Variants in NOL4L observed in about 807,000 individuals in gnomAD.
The protein encoded by NOL4L is nucleolar protein 4 like, also known as nucleolar protein 4-like.
Under a neutral mutation model 64.5 loss-of-function variants are expected in NOL4L, and 7 were observed. The ratio of observed to expected loss-of-function variants is 0.11; its 90% CI spans 0.06 to 0.20. The LOEUF (loss-of-function observed/expected upper bound fraction) is 0.20, where lower values mean the gene tolerates loss of function less well. Among genes scored for constraint, NOL4L ranks in the 10% least tolerant of loss-of-function variants. The pLI is 1.00. For synonymous variants in NOL4L, 413 were observed against 401.0 expected (o/e 1.03, Z -0.36); for missense variants, 680 against 967.1 (o/e 0.70, Z 3.94).
rs889181787 is a variant in NOL4L, at chr20:32,464,515, G to A, written c.842-8120C>T. On this transcript the variant is annotated intron_variant, in intron 5 of 10. Transcript: ENST00000621426. This position sits in a 1 kb window ranked among gnomAD's most constrained non-coding sequence, Gnocchi z 5.6. ...GCAGGGAGCCCATGCCCCCCATCTGGGTGCCACACTTGCCCCCTGATTTGC... is the reference window on the plus strand; with the variant it reads ...GCAGGGAGCCCATGCCCCCCATCTGAGTGCCACACTTGCCCCCTGATTTGC... Among the ~76,000 whole-genome samples, 6 of 152,176 alleles carry A rather than the reference G, an allele frequency of 3.9e-5. No individual in the cohort carries two copies. Among genetic ancestry groups the A allele is most frequent in the Non-Finnish European group, 7.3e-5 (5 of 68,040 alleles).
intron 1 of NOL4L, among the ~76,000 whole-genome samples, chr20:32,569,041 G>A (rs757077271): frequency 2.6e-5 from 4 of 151,806 alleles, no homozygotes; most frequent in Non-Finnish European, 2.9e-5. Flanking sequence ...GAACCAGACA[G>A]CAAATATTCC....
intron 4 of NOL4L, 103 bp from the exon 5 acceptor site, chr20:32,474,845 C>G (rs914998362): frequency 6.9e-7 from 1 of 1,451,236 alleles, no homozygotes; most frequent in Non-Finnish European, 9.1e-7. Context: ...TTTGGGAGTG[C>G]CCTGAAGGCG....
intron 1 of NOL4L, among the ~76,000 whole-genome samples, chr20:32,576,750 A>C (rs4911245): frequency 5.3e-5 from 8 of 152,036 alleles, no homozygotes; most frequent in Admixed American, 2.0e-4. Context: ...CGCCCAGGCC[A>C]GGCCTGCAGC....
intron 5 of NOL4L, among the ~76,000 whole-genome samples, chr20:32,457,289 G>C (rs1444929376): frequency 6.6e-6 from 1 of 152,228 alleles, no homozygotes; most frequent in Non-Finnish European, 1.5e-5. Flanking sequence ...GACGGCAGAG[G>C]CTGAAGCTGC....
chr20:32,507,275 C>T (rs1412693034), intron 4 of NOL4L, among the ~76,000 whole-genome samples: 1 of 152,238 alleles, frequency 6.6e-6, no homozygotes, highest in Non-Finnish European at 1.5e-5. Context: ...ATTTTCTGCT[C>T]AGTGTGGCCA....
At chr20:32,511,943 C>G (rs1314458988) in intron 3 of NOL4L, among the ~76,000 whole-genome samples, 1 of 152,174 alleles carries the variant, frequency 6.6e-6, no homozygotes, top group Non-Finnish European at 1.5e-5. Flanking sequence ...GTGGTCAAGG[C>G]TGCAGTCTGC....
chr20:32,517,732 C>T (rs1226071280), intron 3 of NOL4L, among the ~76,000 whole-genome samples: 1 of 152,194 alleles, frequency 6.6e-6, no homozygotes, highest in African/African-American at 2.4e-5. Context: ...TGTGTCTGGG[C>T]ACCGTAGGCC....
chr20:32,532,958 G>C (rs537219188), intron 1 of NOL4L, among the ~76,000 whole-genome samples: 2 of 152,292 alleles, frequency 1.3e-5, no homozygotes, highest in Non-Finnish European at 2.9e-5. Flanking sequence ...GCCAGAGCCA[G>C]GCCAACAGAA....
At chr20:32,466,008 G>A (rs1221562049) in intron 5 of NOL4L, among the ~76,000 whole-genome samples, 1 of 146,772 alleles carries the variant, frequency 6.8e-6, no homozygotes, top group African/African-American at 2.6e-5. Context: ...TTGAGATGGA[G>A]TCACTCTGTA....
intron 2 of NOL4L, among the ~76,000 whole-genome samples, chr20:32,527,020 C>T (rs1372124647): frequency 6.6e-6 from 1 of 152,120 alleles, no homozygotes; most frequent in Non-Finnish European, 1.5e-5. Flanking sequence ...GCTTCCTGCC[C>T]CTAGGTTGCC....
intron 1 of NOL4L, among the ~76,000 whole-genome samples, chr20:32,546,384 TGCACCAC>T (rs904123082): frequency 1.2e-4 from 18 of 152,062 alleles, no homozygotes; most frequent in Non-Finnish European, 4.4e-5. Context: ...TTTACAGTCA[TGCACCAC>T]GACGCCCAGC....
At chr20:32,578,134 AGGAAGGAGGGAGGGAGGGAG>A (rs1358142910) in intron 1 of NOL4L, among the ~76,000 whole-genome samples, 5 of 76,874 alleles carry the variant, frequency 6.5e-5, no homozygotes, top group African/African-American at 2.2e-4. Flanking sequence ...GAAGGAAGGA[AGGAAGGAGGGAGGGAGGGAG>A]GGAGGGAGGG....
At chr20:32,459,805 A>G (rs2013882602) in intron 5 of NOL4L, among the ~76,000 whole-genome samples, 1 of 152,230 alleles carries the variant, frequency 6.6e-6, no homozygotes, top group South Asian at 2.1e-4. Context: ...AAGTGCTGGG[A>G]TGACAGACGT....
chr20:32,512,585 T>C (rs2017456911), intron 3 of NOL4L, among the ~76,000 whole-genome samples: 1 of 152,202 alleles, frequency 6.6e-6, no homozygotes, highest in Non-Finnish European at 1.5e-5. Context: ...AAAACCATAA[T>C]TGCACCACGC....
At chr20:32,507,005 G>A (rs1340176053) in intron 4 of NOL4L, among the ~76,000 whole-genome samples, 2 of 152,186 alleles carry the variant, frequency 1.3e-5, no homozygotes, top group Non-Finnish European at 2.9e-5. Flanking sequence ...ACTGCAGAGA[G>A]GGAGGCAAGG....
intron 5 of NOL4L, among the ~76,000 whole-genome samples, chr20:32,461,974 G>T (rs1276737810): frequency 2.0e-5 from 3 of 151,938 alleles, no homozygotes; most frequent in African/African-American, 7.2e-5. Flanking sequence ...GTCTTCCTGG[G>T]CTCGCCGGGG....
At chr20:32,560,889 A>G (rs948450566) in intron 1 of NOL4L, among the ~76,000 whole-genome samples, 5 of 152,258 alleles carry the variant, frequency 3.3e-5, no homozygotes, top group Non-Finnish European at 7.3e-5. Flanking sequence ...ATCGGCCACA[A>G]GAACACTGGG....
intron 1 of NOL4L, among the ~76,000 whole-genome samples, chr20:32,563,906 C>G (rs1028254328): frequency 1.3e-5 from 2 of 152,226 alleles, no homozygotes; most frequent in African/African-American, 4.8e-5. Context: ...AGCGTATCCT[C>G]GGCAGCCACC....
chr20:32,457,038 C>T (rs1464794211), intron 5 of NOL4L, among the ~76,000 whole-genome samples: 2 of 152,198 alleles, frequency 1.3e-5, no homozygotes, highest in South Asian at 2.1e-4. Context: ...CGTGCAAAGC[C>T]GGGGCTGCAA....
Sources: gnomAD v4.1 joint callset for allele counts (sites outside exome capture counted in the v4.1 genomes callset) on GRCh38, gnomAD v4.1.1 for gene constraint, Gnocchi (gnomAD v3.1) non-coding constraint, MANE v1.5 for transcripts, NCBI Gene and HGNC (gene_info 2026-07-23, HGNC 2026-07-21) for gene names.